RARB: variants seen among roughly 807,000 people sequenced by gnomAD.
RARB encodes the protein retinoic acid receptor beta.
In RARB, 17 loss-of-function variants were observed where a neutral mutation model predicts 51.9. The ratio of observed to expected loss-of-function variants is 0.33; its 90% CI spans 0.22 to 0.49. The LOEUF (loss-of-function observed/expected upper bound fraction) is 0.49. Among genes scored for constraint, RARB ranks in the 20% least tolerant of loss-of-function variants. The probability of loss-of-function intolerance (pLI) is 0.99; values close to 1 mark genes in which losing one functional copy is unlikely to be tolerated. For missense variants in RARB, 369 were observed against 550.8 expected, an observed-to-expected ratio of 0.67 and a Z score of 3.30; for synonymous variants, 215 against 195.4, an observed-to-expected ratio of 1.10 and a Z score of -0.84.
intron 2 of RARB, among the ~76,000 whole-genome samples, chr3:24,964,691 C>G (rs932880163): frequency 2.6e-5 from 4 of 152,152 alleles, no homozygotes; most frequent in African/African-American, 9.7e-5. Flanking sequence ...GAACCATTGA[C>G]TAATCTGATG....
chr3:24,903,590 G>T (rs1161376815), intron 2 of RARB, among the ~76,000 whole-genome samples: 1 of 152,022 alleles, frequency 6.6e-6, no homozygotes, highest in Non-Finnish European at 1.5e-5. Flanking sequence ...CATCAAATGT[G>T]GTTTAGGAAT....
In RARB at chr3:24,989,952, A is replaced by G. The variant is rs1408709091; in HGVS notation, c.-379-70173A>G. Among the ~76,000 whole-genome samples the G allele has an allele frequency of 8.4e-5, 8 of 95,194 alleles. 2 individuals are homozygous for G. Among genetic ancestry groups the G allele is most frequent in the Non-Finnish European group, 1.4e-4 (7 of 48,748 alleles). 62.5% of individuals were successfully genotyped at this position (95,194 alleles called of 152,430 possible). A position where few individuals can be genotyped will look rare whatever the true frequency, so the allele number is the denominator to read the frequency against. On this transcript the variant is annotated intron_variant, in intron 2 of 11. Transcript: ENST00000383772. ...GTAGCTGGGACTACAGGCGCCCGCCACCGCGCCCGGCTAATTTTTTGTATT... is the reference window on the plus strand; with the variant it reads ...GTAGCTGGGACTACAGGCGCCCGCCGCCGCGCCCGGCTAATTTTTTGTATT...
At chr3:25,400,811 G>C (rs1707243447) in intron 5 of RARB, among the ~76,000 whole-genome samples, 1 of 151,904 alleles carries the variant, frequency 6.6e-6, no homozygotes, top group Admixed American at 6.6e-5. Flanking sequence ...GGCTGGGATG[G>C]AACAGCTTGT....
chr3:25,554,509 C>G (rs1023416732), intron 3 of RARB, among the ~76,000 whole-genome samples: 1 of 151,984 alleles, frequency 6.6e-6, no homozygotes, highest in Non-Finnish European at 1.5e-5. Flanking sequence ...AGTAGTGTGA[C>G]AAAAACTGGG....
intron 5 of RARB, among the ~76,000 whole-genome samples, chr3:25,419,053 G>A (rs1340982281): frequency 7.2e-6 from 1 of 139,402 alleles, no homozygotes; most frequent in East Asian, 2.1e-4. Flanking sequence ...TATTTTTTTT[G>A]CTAAGTTTAA....
intron 5 of RARB, among the ~76,000 whole-genome samples, chr3:25,411,538 T>A (rs1175160364): frequency 6.6e-6 from 1 of 152,180 alleles, no homozygotes; most frequent in Non-Finnish European, 1.5e-5. Context: ...TCATGTGGGA[T>A]GTGGAGAGTT....
chr3:25,025,990 A>G (rs1697740511), intron 2 of RARB, among the ~76,000 whole-genome samples: 1 of 152,164 alleles, frequency 6.6e-6, no homozygotes, highest in Non-Finnish European at 1.5e-5. Context: ...TGCAATCCCA[A>G]ATTAATGAGA....
At chr3:25,218,710 T>A (rs1464193636) in intron 5 of RARB, among the ~76,000 whole-genome samples, 2 of 152,214 alleles carry the variant, frequency 1.3e-5, no homozygotes, top group Non-Finnish European at 2.9e-5. Flanking sequence ...GTCTTTCATG[T>A]GCCCTGCTCC....
At chr3:25,002,584 A>G (rs1697185455) in intron 2 of RARB, among the ~76,000 whole-genome samples, 1 of 152,150 alleles carries the variant, frequency 6.6e-6, no homozygotes, top group African/African-American at 2.4e-5. Context: ...AGAGTTGCGT[A>G]ATGTTTTACA....
At position 25,552,996 on chromosome 3, in the gene RARB, T is replaced by C. The variant is rs545939800; in HGVS notation, c.449-16762T>C. Among the ~76,000 whole-genome samples the C allele has an allele frequency of 1.4e-3, 206 of 152,314 alleles. 1 individual carries two copies. The highest frequency in any genetic ancestry group is 4.6e-3 in the African/African-American group (193 of 41,558). ...ACATACCTTTTAAGGTATGATTTTG[T>C]GTTTTAAAGCTTGAAAATGAAAAAC... On this transcript the variant is annotated intron_variant, in intron 3 of 7. Coordinates refer to ENST00000330688, the MANE Select transcript of RARB (RefSeq NM_000965.5).
At position 25,531,388 on chromosome 3, in the gene RARB, G is replaced by GTAGATAGATAGA. The variant is rs142863604; in HGVS notation, c.448+30090_448+30101dup. ...GATAGATAGGTAGATAGATAGATAG[G>GTAGATAGATAGA]TAGATAGATAGATAGATAGATAGAT... On this transcript the variant is annotated intron_variant, in intron 3 of 7. Coordinates refer to ENST00000330688, the MANE Select transcript of RARB (RefSeq NM_000965.5). Among the ~76,000 whole-genome samples, 510 of 145,444 alleles carry GTAGATAGATAGA rather than the reference G, an allele frequency of 3.5e-3. 5 individuals carry two copies. The highest frequency in any genetic ancestry group is 0.017 in the Admixed American group (248 of 14,620).
At chr3:25,586,386 A>G (rs1701390421) in intron 5 of RARB, among the ~76,000 whole-genome samples, 1 of 152,114 alleles carries the variant, frequency 6.6e-6, no homozygotes, top group Non-Finnish European at 1.5e-5. Flanking sequence ...GAACCATCTT[A>G]GGGTTGGTCG....
chr3:25,208,455 AT>A (rs1701613383), intron 5 of RARB, among the ~76,000 whole-genome samples: 1 of 151,964 alleles, frequency 6.6e-6, no homozygotes, highest in Non-Finnish European at 1.5e-5. Flanking sequence ...ATTTGCTCTA[AT>A]TTTGCGTTTC....
rs72344692 is a variant in RARB, at chr3:24,846,870, G to GAAA, written c.-458-11792_-458-11790dup. ...TCCACCTATTCTATGGCCAAAATTGGAAAAAAAAAAAAAAGGAAGAGAAGA... is the reference window on the plus strand; with the variant it reads ...TCCACCTATTCTATGGCCAAAATTGGAAAAAAAAAAAAAAAAAGGAAGAGAAGA... On this transcript the variant is annotated intron_variant, in intron 1 of 11. Coordinates refer to the RARB transcript ENST00000383772. Among the ~76,000 whole-genome samples the GAAA allele has an allele frequency of 1.5e-4, 19 of 130,938 alleles. No individual in the cohort carries two copies. In the East Asian group the frequency reaches 2.1e-3, roughly 15 times the overall value. The allele number at this position is 130,938 out of a possible 152,430, so 85.9% of individuals were successfully genotyped here.
At chr3:25,038,040 A>C (rs1698033718) in intron 2 of RARB, among the ~76,000 whole-genome samples, 1 of 151,982 alleles carries the variant, frequency 6.6e-6, no homozygotes, top group Admixed American at 6.6e-5. Context: ...ATGAGGCTCA[A>C]ATTGCTTATA....
intron 2 of RARB, among the ~76,000 whole-genome samples, chr3:24,956,193 T>C (rs965923479): frequency 1.3e-5 from 2 of 152,152 alleles, no homozygotes; most frequent in African/African-American, 4.8e-5. Flanking sequence ...TCATTTTCTG[T>C]GCTTCAACAA....
intron 2 of RARB, among the ~76,000 whole-genome samples, chr3:24,860,633 AC>A (rs140562172): frequency 0.017 from 2,652 of 152,224 alleles, 86 homozygotes; most frequent in African/African-American, 0.06. Flanking sequence ...GAAGAAAAAA[AC>A]CCTTTACAGA....
chr3:25,306,592 A>G (rs1267419972), intron 5 of RARB, among the ~76,000 whole-genome samples: 1 of 152,190 alleles, frequency 6.6e-6, no homozygotes, highest in African/African-American at 2.4e-5. Context: ...GGAATGCTGC[A>G]ACTGAAACAT....
At chr3:24,880,493 A>G (rs1489503854) in intron 2 of RARB, among the ~76,000 whole-genome samples, 2 of 152,188 alleles carry the variant, frequency 1.3e-5, no homozygotes, top group African/African-American at 4.8e-5. Context: ...GTAGTTGAAG[A>G]TACCTATTTG....
Sources: gnomAD v4.1 joint callset for allele counts (sites outside exome capture counted in the v4.1 genomes callset) on GRCh38, gnomAD v4.1.1 for gene constraint, MANE v1.5 for transcripts, NCBI Gene and HGNC (gene_info 2026-07-23, HGNC 2026-07-21) for gene names.